RNF212B: variants seen among roughly 807,000 people sequenced by gnomAD.
RNF212B encodes the protein ring finger protein 212B, also known as E3 ubiquitin-protein ligase RNF212B.
A neutral mutation model predicts 55.5 loss-of-function variants in RNF212B; 52 were observed. That is an observed-to-expected ratio of 0.94 (90% CI 0.75 to 1.18). The LOEUF is 1.18. Among genes scored for constraint, RNF212B ranks in the 50% most tolerant of loss-of-function variants. The pLI is 0.00. For missense variants in RNF212B, 289 were observed against 350.4 expected (o/e 0.82, Z 1.40); for synonymous variants, 99 against 121.4 (o/e 0.82, Z 1.21).
intron 2 of RNF212B, among the ~76,000 whole-genome samples, chr14:23,227,009 C>T (rs892003498): frequency 6.6e-6 from 1 of 151,932 alleles, no homozygotes; most frequent in Non-Finnish European, 1.5e-5. Context: ...ATTGTGAACA[C>T]ACACAAAAAT....
At position 23,259,815 on chromosome 14, in the gene RNF212B, T is replaced by C. The variant is rs1885166146; in HGVS notation, c.345-69T>C. 9.1e-6 allele frequency: 7 copies of C among 771,112 alleles called. No homozygotes were observed. In the South Asian group the frequency reaches 1.2e-4, roughly 13 times the overall value. The allele number at this position is 771,112 out of a possible 1,614,324, so 47.8% of individuals were successfully genotyped here. A position where few individuals can be genotyped will look rare whatever the true frequency, so the allele number is the denominator to read the frequency against. ...TAAGTATTAACTAGATGTTAATAGT[T>C]ATAATAATAAAAAATCAGGTTTTTA... On this transcript the variant is annotated intron_variant, in intron 5 of 14. Transcript: ENST00000430154.
chr14:23,251,453 T>C (rs1884395686), intron 4 of RNF212B, among the ~76,000 whole-genome samples: 2 of 152,212 alleles, frequency 1.3e-5, no homozygotes, highest in African/African-American at 4.8e-5. Flanking sequence ...CAAGCTTCAA[T>C]AATTTGCTAG....
intron 2 of RNF212B, among the ~76,000 whole-genome samples, chr14:23,204,698 C>G (rs1454667879): frequency 6.6e-6 from 1 of 152,114 alleles, no homozygotes; most frequent in Non-Finnish European, 1.5e-5. Context: ...CTTGCTTTGG[C>G]TATGCAGGCA....
At chr14:23,240,232 C>T in intron 1 of RNF212B, 113 bp from the exon 2 acceptor site, 1 of 664,482 alleles carries the variant, frequency 1.5e-6, no homozygotes, top group Non-Finnish European at 2.6e-6. Flanking sequence ...AATGATATGC[C>T]ACATCCCAAA....
intron 2 of RNF212B, among the ~76,000 whole-genome samples, chr14:23,206,886 GAAGAAA>G (rs1879888543): frequency 6.7e-6 from 1 of 149,824 alleles, no homozygotes; most frequent in Non-Finnish European, 1.5e-5. Flanking sequence ...AGATAACTGA[GAAGAAA>G]AAGAAAAACA....
intron 1 of RNF212B, among the ~76,000 whole-genome samples, chr14:23,240,016 A>G (rs1328223277): frequency 6.9e-6 from 1 of 144,316 alleles, no homozygotes; most frequent in East Asian, 2.0e-4. Context: ...ACACACACAC[A>G]CTCATAACCT....
At chr14:23,242,081 C>CAAAAA (rs58497672) in intron 2 of RNF212B, among the ~76,000 whole-genome samples, 210 of 36,116 alleles carry the variant, frequency 5.8e-3, no homozygotes, top group Middle Eastern at 0.021. Flanking sequence ...GACTCCGTCT[C>CAAAAA]AAAAAAAAAA....
intron 2 of RNF212B, among the ~76,000 whole-genome samples, chr14:23,212,497 A>G (rs1365006991): frequency 2.0e-5 from 3 of 152,168 alleles, no homozygotes; most frequent in Non-Finnish European, 2.9e-5. Context: ...TCAATAACAG[A>G]AAAATCAGTT....
chr14:23,229,326 T>C (rs1177368780), intron 2 of RNF212B, among the ~76,000 whole-genome samples: 1 of 148,244 alleles, frequency 6.7e-6, no homozygotes, highest in African/African-American at 2.5e-5. Flanking sequence ...TTGGTTATTG[T>C]GAATAATGCT....
chr14:23,199,229 C>T (rs2140366049), intron 2 of RNF212B, among the ~76,000 whole-genome samples: 1 of 152,272 alleles, frequency 6.6e-6, no homozygotes, highest in East Asian at 1.9e-4. Context: ...TTTAGGGAGG[C>T]ATGAGACATC....
chr14:23,260,537 G>A, intron 6 of RNF212B, 122 bp from the exon 7 acceptor site: 1 of 828,622 alleles, frequency 1.2e-6, no homozygotes, highest in Non-Finnish European at 2.0e-6. Context: ...TCCTCCTACT[G>A]GGAGTCTTAG....
chr14:23,269,931 A>T lies in RNF212B; in HGVS notation c.743A>T (p.His248Leu). The T allele has an allele frequency of 6.5e-7, 1 of 1,548,438 alleles. No individual in the cohort carries two copies. Among genetic ancestry groups the T allele is most frequent in the Non-Finnish European group, 8.7e-7 (1 of 1,145,048 alleles). ...FRPSPNGHSG[H>L]TRVLTPNNFA... is the part of the protein sequence containing the mutation. Reference sequence around the variant, plus strand: ...CCATCCCCAAATGGGCATTCAGGCCACACAAGAGTCCTCACCCCCAACAAT... The same window carrying T: ...CCATCCCCAAATGGGCATTCAGGCCTCACAAGAGTCCTCACCCCCAACAAT... Residue 248 changes from histidine (H) to leucine (L), a missense_variant, in exon 13 of 15, where the codon CAC (histidine) becomes CTC (leucine). Physicochemically the swap from His to Leu is moderately conservative, Grantham distance 99. Coordinates refer to ENST00000430154, the MANE Select transcript of RNF212B (RefSeq NM_001282322.3).
chr14:23,228,626 G>A (rs768747667), intron 2 of RNF212B, among the ~76,000 whole-genome samples: 7 of 151,926 alleles, frequency 4.6e-5, no homozygotes, highest in Non-Finnish European at 8.8e-5. Context: ...TCCAGCCTGG[G>A]TGACAGAGCA....
At chr14:23,256,081 G>T (rs1034976320) in intron 4 of RNF212B, among the ~76,000 whole-genome samples, 1 of 152,164 alleles carries the variant, frequency 6.6e-6, no homozygotes, top group African/African-American at 2.4e-5. Flanking sequence ...GCTCCCTGGA[G>T]TTCCACAGTG....
At position 23,191,306 on chromosome 14, in the gene RNF212B, G is replaced by A. The variant is rs1054352967; in HGVS notation, c.-78-2019G>A. ...CTGGAGGCGGAGGTTGTAGTGAGCC[G>A]AGATCGCACTGCACCCTGGGCGACA... On this transcript the variant is annotated intron_variant, in intron 1 of 15. Coordinates refer to the RNF212B transcript ENST00000399910. 2.8e-4 allele frequency among the ~76,000 whole-genome samples: 41 copies of A among 146,114 alleles called. 1 individual carries two copies. The Middle Eastern group carries it at 0.011, about 38-fold the overall frequency.
At chr14:23,240,315 A>G (rs1444065565) in intron 1 of RNF212B, 30 bp from the exon 2 acceptor site, 1 of 1,400,456 alleles carries the variant, frequency 7.1e-7, no homozygotes, top group African/African-American at 1.4e-5. Flanking sequence ...TCTCTAGGTT[A>G]TTCTTACTCT....
At chr14:23,240,231 C>T (rs1014403185) in intron 1 of RNF212B, 114 bp from the exon 2 acceptor site, 1 of 664,354 alleles carries the variant, frequency 1.5e-6, no homozygotes, top group Non-Finnish European at 2.6e-6. Flanking sequence ...CAATGATATG[C>T]CACATCCCAA....
chr14:23,252,789 T>C (rs1884512154), intron 4 of RNF212B, among the ~76,000 whole-genome samples: 1 of 152,186 alleles, frequency 6.6e-6, no homozygotes, highest in African/African-American at 2.4e-5. Context: ...GAAAACTATC[T>C]TAAGCAACTT....
intron 10 of RNF212B, 119 bp from the exon 11 acceptor site, chr14:23,264,504 G>C: frequency 1.3e-6 from 1 of 777,516 alleles, no homozygotes; most frequent in Non-Finnish European, 2.0e-6. Context: ...TCTTTGACTA[G>C]TATGCCCACT....
Sources: gnomAD v4.1 joint callset for allele counts (sites outside exome capture counted in the v4.1 genomes callset) on GRCh38, gnomAD v4.1.1 for gene constraint, MANE v1.5 for transcripts, NCBI Gene and HGNC (gene_info 2026-07-23, HGNC 2026-07-21) for gene names.